Variants in ELK3 observed in about 807,000 individuals in gnomAD.
ELK3 encodes ETS domain-containing protein Elk-3.
Under a neutral mutation model 28.9 loss-of-function variants are expected in ELK3, and 10 were observed. The observed-to-expected ratio is 0.35, with a 90% CI of 0.21 to 0.59. The LOEUF (loss-of-function observed/expected upper bound fraction) is 0.59. Ranked by LOEUF, ELK3 falls within the 20% of genes least tolerant of loss-of-function variation. The pLI is 0.82. For missense variants in ELK3, 463 were observed against 517.3 expected (o/e 0.90, Z 1.02); for synonymous variants, 272 against 243.5 (o/e 1.12, Z -1.09).
chr12:96,229,566 C>CT (rs1461618786), intron 2 of ELK3, among the ~76,000 whole-genome samples: 1 of 117,606 alleles, frequency 8.5e-6, no homozygotes, highest in Non-Finnish European at 1.6e-5. Context: ...GAGTCTTGCT[C>CT]TGTCGCCCAG....
intron 3 of ELK3, among the ~76,000 whole-genome samples, chr12:96,256,713 A>G (rs757389688): frequency 3.7e-4 from 56 of 152,252 alleles, no homozygotes; most frequent in Non-Finnish European, 6.0e-4. Flanking sequence ...AAAAATGGTC[A>G]CAAAGTGTTA....
At chr12:96,196,747 GTTTTT>G (rs56206854) in intron 1 of ELK3, among the ~76,000 whole-genome samples, 3,543 of 137,214 alleles carry the variant, frequency 0.026, 58 homozygotes, top group African/African-American at 0.045. Flanking sequence ...CTCTAAAAGT[GTTTTT>G]TTTTTTTTTT....
intron 1 of ELK3, among the ~76,000 whole-genome samples, chr12:96,197,188 T>C (rs1311184375): frequency 1.3e-5 from 2 of 152,174 alleles, no homozygotes; most frequent in Non-Finnish European, 2.9e-5. Context: ...TAAGTAATTA[T>C]TTGGGACACA....
At chr12:96,223,146 G>A (rs1160693667) in intron 1 of ELK3, among the ~76,000 whole-genome samples, 1 of 152,134 alleles carries the variant, frequency 6.6e-6, no homozygotes, top group Admixed American at 6.5e-5. Context: ...GATTTGGGCG[G>A]GGCACACATC....
chr12:96,224,677 T>C (rs1951687233), intron 2 of ELK3, among the ~76,000 whole-genome samples: 1 of 152,246 alleles, frequency 6.6e-6, no homozygotes. Context: ...GGCAAAATTA[T>C]TGCTGTTTAG....
intron 2 of ELK3, among the ~76,000 whole-genome samples, chr12:96,236,396 C>G (rs1474953265): frequency 6.6e-6 from 1 of 152,346 alleles, no homozygotes; most frequent in East Asian, 1.9e-4. Flanking sequence ...GCCTCAACTT[C>G]AGGCTGGCCA....
rs548883198 is a variant in ELK3 at position 96,247,417 on chromosome 12, A to G, written c.685A>G (p.Asn229Asp). Reference protein sequence around the residue: ...SAKISSLMLPNAASISSASPF... With the variant: ...SAKISSLMLPDAASISSASPF... ...CAAGATCTCCTCTTTAATGTTGCCA[A>G]ACGCTGCCAGTATTTCATCCGCCTC... Residue 229 changes from asparagine to aspartate, a missense_variant, in exon 3 of 5, where the codon AAC (asparagine) becomes GAC (aspartate). By Grantham distance (23) the Asn-to-Asp change is conservative. Transcript: ENST00000228741. The surrounding 1 kb of genome is among the most constrained non-coding windows in gnomAD (Gnocchi z 5.5). 5.6e-6 allele frequency: 9 copies of G among 1,614,084 alleles called. No homozygotes were observed. The South Asian group carries it at 8.8e-5, about 16-fold the overall frequency.
At chr12:96,234,349 C>T (rs1279565585) in intron 2 of ELK3, among the ~76,000 whole-genome samples, 6 of 152,212 alleles carry the variant, frequency 3.9e-5, no homozygotes, top group South Asian at 4.1e-4. Flanking sequence ...GATCCACTTA[C>T]GTCAGGCTGT....
chr12:96,251,392 C>G (rs1951905127), intron 3 of ELK3, among the ~76,000 whole-genome samples: 3 of 152,068 alleles, frequency 2.0e-5, no homozygotes, highest in African/African-American at 7.2e-5. Context: ...TGAAACACAA[C>G]AATTTTGAAA....
intron 2 of ELK3, among the ~76,000 whole-genome samples, chr12:96,232,963 A>G (rs1951754195): frequency 6.6e-6 from 1 of 152,202 alleles, no homozygotes; most frequent in African/African-American, 2.4e-5. Flanking sequence ...GTGAAAGAGC[A>G]AAACTCTGTC....
chr12:96,225,989 G>A (rs545215817), intron 2 of ELK3, among the ~76,000 whole-genome samples: 5 of 152,020 alleles, frequency 3.3e-5, no homozygotes, highest in African/African-American at 7.2e-5. Flanking sequence ...AAAATTAGCC[G>A]AGTGTGGAAG....
At chr12:96,228,325 G>C (rs1324234973) in intron 2 of ELK3, among the ~76,000 whole-genome samples, 1 of 147,880 alleles carries the variant, frequency 6.8e-6, no homozygotes, top group African/African-American at 2.5e-5. Context: ...GGCTGAGGCA[G>C]GAGAATCGCT....
Position 96,228,201 on chromosome 12 carries a change from T to G in ELK3, c.207+4428T>G, listed in dbSNP as rs187790446. Among the ~76,000 whole-genome samples, 262 of 151,908 alleles carry G rather than the reference T, an allele frequency of 1.7e-3. 2 individuals carry two copies. The highest frequency in any genetic ancestry group is 3.4e-3 in the Non-Finnish European group (231 of 67,940). ...TTGGGAGGCCAAGGTGGGTGGATCATGAGGTCAAGAGATCAAGACCAGCCT... is the reference window on the plus strand; with the variant it reads ...TTGGGAGGCCAAGGTGGGTGGATCAGGAGGTCAAGAGATCAAGACCAGCCT... On this transcript the variant is annotated intron_variant, in intron 2 of 4. Coordinates refer to ENST00000228741, the MANE Select transcript of ELK3 (RefSeq NM_005230.4).
At chr12:96,252,914 G>C (rs752194521) in intron 3 of ELK3, among the ~76,000 whole-genome samples, 1 of 151,548 alleles carries the variant, frequency 6.6e-6, no homozygotes. Context: ...TCTACTCTGG[G>C]TAAAATGCTA....
At chr12:96,220,955 T>C (rs1452676374) in intron 1 of ELK3, among the ~76,000 whole-genome samples, 1 of 152,120 alleles carries the variant, frequency 6.6e-6, no homozygotes, top group East Asian at 1.9e-4. Flanking sequence ...CACCTCCATG[T>C]GTCTCATTCT....
At chr12:96,201,009 C>A (rs1951504427) in intron 1 of ELK3, among the ~76,000 whole-genome samples, 1 of 152,104 alleles carries the variant, frequency 6.6e-6, no homozygotes, top group African/African-American at 2.4e-5. Context: ...CTCATTATCC[C>A]TGGCCATTTA....
Position 96,221,950 on chromosome 12 carries a change from CT to C in ELK3, c.-2-1613del, listed in dbSNP as rs373275576. Among the ~76,000 whole-genome samples, 351 of 152,206 alleles carry C rather than the reference CT, an allele frequency of 2.3e-3. 4 individuals are homozygous for C. The highest frequency in any genetic ancestry group is 7.7e-3 in the African/African-American group (319 of 41,524). ...ACCCTCCCCAAGGCAATTATTCTGG[CT>C]TCCAGGTCTCCCAGAGCTGCCCCCT... On this transcript the variant is annotated intron_variant, in intron 1 of 4. Coordinates refer to ENST00000228741, the MANE Select transcript of ELK3 (RefSeq NM_005230.4).
chr12:96,263,551 A>G (rs1332370616), intron 4 of ELK3, among the ~76,000 whole-genome samples: 2 of 152,240 alleles, frequency 1.3e-5, no homozygotes, highest in Non-Finnish European at 2.9e-5. Context: ...AATATTTGCA[A>G]TGCTCTGCGA....
intron 2 of ELK3, among the ~76,000 whole-genome samples, chr12:96,239,934 C>T (rs1413148730): frequency 6.6e-6 from 1 of 152,252 alleles, no homozygotes; most frequent in African/African-American, 2.4e-5. Flanking sequence ...AGGCTGCGGC[C>T]AGCATCTAAG....
Sources: allele counts gnomAD v4.1 joint callset (sites outside exome capture counted in the v4.1 genomes callset), GRCh38; gene constraint gnomAD v4.1.1; non-coding constraint Gnocchi (gnomAD v3.1); transcripts MANE v1.5; gene names NCBI Gene and HGNC (gene_info 2026-07-23, HGNC 2026-07-21).